Variants in FASTKD1 observed in about 807,000 individuals in gnomAD.
The protein encoded by FASTKD1 is FAST kinase domain-containing protein 1, mitochondrial.
Under a neutral mutation model 90.9 loss-of-function variants are expected in FASTKD1, and 94 were observed. The observed-to-expected ratio is 1.03, with a 90% CI of 0.88 to 1.23. FASTKD1 has a LOEUF of 1.23. Ranked by LOEUF, FASTKD1 falls within the 50% of genes most tolerant of loss-of-function variation. The probability of loss-of-function intolerance (pLI) is 0.00; values close to 1 mark genes in which losing one functional copy is unlikely to be tolerated. For synonymous variants in FASTKD1, 319 were observed against 345.8 expected (o/e 0.92, Z 0.86); for missense variants, 945 against 993.5 (o/e 0.95, Z 0.66).
intron 9 of FASTKD1, among the ~76,000 whole-genome samples, 199 bp downstream of exon 9, chr2:169,544,522 G>T (rs1223402262): frequency 6.6e-6 from 1 of 152,144 alleles, no homozygotes; most frequent in Non-Finnish European, 1.5e-5. Flanking sequence ...AATGAGCCAA[G>T]ATCGCACCAC....
chr2:169,561,716 A>ATTATTCATTATAAATTAT (rs1683613704), intron 4 of FASTKD1, among the ~76,000 whole-genome samples: 4 of 145,778 alleles, frequency 2.7e-5, no homozygotes, highest in African/African-American at 4.9e-5. Flanking sequence ...TTATAAATTA[A>ATTATTCATTATAAATTAT]TTATTAATCT....
intron 3 of FASTKD1, 154 bp from the exon 4 acceptor site, chr2:169,563,504 T>TA (rs1264013151): frequency 2.4e-6 from 1 of 424,708 alleles, no homozygotes; most frequent in Non-Finnish European, 3.9e-6. Flanking sequence ...TGGCAACAGT[T>TA]AAAAAGTCAG....
chr2:169,565,369 TCTC>T (rs1324950967), intron 3 of FASTKD1, among the ~76,000 whole-genome samples: 2 of 146,894 alleles, frequency 1.4e-5, no homozygotes, highest in African/African-American at 5.0e-5. Flanking sequence ...TTCACGCCAT[TCTC>T]CTGCTTCAGC....
chr2:169,560,809 G>C, intron 4 of FASTKD1, 24 bp from the exon 5 acceptor site: 9 of 768,972 alleles, frequency 1.2e-5, no homozygotes, highest in African/African-American at 2.0e-5. Context: ...AAGATGCAAA[G>C]ATTTTTACAT....
At chr2:169,555,300 T>A in intron 6 of FASTKD1, 45 bp from the exon 7 acceptor site, 3 of 1,523,344 alleles carry the variant, frequency 2.0e-6, no homozygotes, top group Non-Finnish European at 2.7e-6. Context: ...ATTCATTTAT[T>A]ACACATTTAC....
At chr2:169,551,302 G>T (rs1057483154) in intron 7 of FASTKD1, among the ~76,000 whole-genome samples, 1 of 152,042 alleles carries the variant, frequency 6.6e-6, no homozygotes, top group Non-Finnish European at 1.5e-5. Context: ...AAATGAATAT[G>T]TATGTTCACT....
At position 169,529,363 on chromosome 2, in the gene FASTKD1, T is replaced by A. The variant is rs1170981529; in HGVS notation, c.*462A>T. On this transcript the variant is annotated 3_prime_UTR_variant, in exon 15 of 15. Coordinates refer to ENST00000453153, the MANE Select transcript of FASTKD1 (RefSeq NM_024622.6). ...CTGTTGCCTTTATCTTCAACATACA[T>A]CCAAAAAATCTGACTACTTCTTATT... 6.6e-6 allele frequency among the ~76,000 whole-genome samples: 1 copy of A among 152,124 alleles called. No individual in the cohort carries two copies. Among genetic ancestry groups the A allele is most frequent in the Non-Finnish European group, 1.5e-5 (1 of 68,026 alleles).
Position 169,557,266 on chromosome 2 carries a change from C to A in FASTKD1, c.1003G>T (p.Asp335Tyr), listed in dbSNP as rs1342446880. Residue 335 changes from aspartate to tyrosine, a missense_variant, in exon 6 of 15, where the codon GAC (aspartate) becomes TAC (tyrosine). By Grantham distance (160) the Asp-to-Tyr change is radical. Coordinates refer to ENST00000453153, the MANE Select transcript of FASTKD1 (RefSeq NM_024622.6). ...LKSTMLLMSE[D>Y]LTGEQALAVL... ...GCCAGGGCTTGCTCGCCAGTTAGGT[C>A]CTCTGACATCAATAACATAGTTGAT... 3.1e-6 allele frequency: 5 copies of A among 1,609,980 alleles called. No homozygotes were observed. The highest frequency in any genetic ancestry group is 2.2e-5 in the South Asian group (2 of 90,302).
Position 169,531,340 on chromosome 2 carries a change from G to A in FASTKD1, c.2327+12C>T. 1 of 1,612,238 alleles carries A rather than the reference G, an allele frequency of 6.2e-7. No homozygotes were observed. The highest frequency in any genetic ancestry group is 8.5e-7 in the Non-Finnish European group (1 of 1,178,584). Reference sequence around the variant, plus strand: ...AGATATTAATACAATCTAAAACTAAGAAATAAATTACCTTTCAGCCCCTGG... The same window carrying A: ...AGATATTAATACAATCTAAAACTAAAAAATAAATTACCTTTCAGCCCCTGG... On this transcript the variant is annotated intron_variant, in intron 13 of 14. Coordinates refer to ENST00000453153, the MANE Select transcript of FASTKD1 (RefSeq NM_024622.6).
At chr2:169,543,695 TACTC>T (rs1422262025) in intron 9 of FASTKD1, among the ~76,000 whole-genome samples, 1 of 152,168 alleles carries the variant, frequency 6.6e-6, no homozygotes, top group Non-Finnish European at 1.5e-5. Context: ...TGTTAATCAA[TACTC>T]AATCACGACT....
intron 9 of FASTKD1, among the ~76,000 whole-genome samples, chr2:169,542,738 G>C (rs1269282576): frequency 6.6e-6 from 1 of 152,122 alleles, no homozygotes; most frequent in African/African-American, 2.4e-5. Flanking sequence ...CTTTTTAAGA[G>C]ATGCAAAATA....
chr2:169,548,003 A>C (rs927365111), intron 7 of FASTKD1, among the ~76,000 whole-genome samples: 1 of 150,526 alleles, frequency 6.6e-6, no homozygotes, highest in Non-Finnish European at 1.5e-5. Context: ...CTCAAAAAAA[A>C]AAAAACAAAA....
At chr2:169,534,450 G>GTT (rs1249656293) in intron 12 of FASTKD1, among the ~76,000 whole-genome samples, 8 of 124,942 alleles carry the variant, frequency 6.4e-5, no homozygotes, top group Admixed American at 8.5e-5. Context: ...AATTTCTGTT[G>GTT]TTTTTTTTTT....
intron 7 of FASTKD1, among the ~76,000 whole-genome samples, chr2:169,550,199 A>G (rs1183059569): frequency 1.3e-5 from 2 of 152,176 alleles, no homozygotes; most frequent in Admixed American, 1.3e-4. Context: ...TAAAATGTGA[A>G]AACAATCTAA....
intron 6 of FASTKD1, among the ~76,000 whole-genome samples, chr2:169,555,947 G>A (rs1368266672): frequency 6.6e-6 from 1 of 151,960 alleles, no homozygotes; most frequent in Admixed American, 6.6e-5. Flanking sequence ...GGTAATTTTG[G>A]GAGAACTGCT....
chr2:169,546,628 A>T lies in FASTKD1; in HGVS notation c.1291T>A (p.Leu431Met), dbSNP rs984985103. The change falls in exon 8 of 15, where the codon TTG becomes ATG. Residue 431 changes from leucine (L) to methionine (M), a missense_variant. Physicochemically the swap from Leu to Met is conservative, Grantham distance 15 (BLOSUM62 2). Coordinates refer to ENST00000453153, the MANE Select transcript of FASTKD1 (RefSeq NM_024622.6). ...ATTCGGGATATCCCCACTTCGTCCA[A>T]GTGAGGAGAAGGGAGCAGGGAAATA... ...RAISLLPSPH[L>M]DEVGISRIEA... is the part of the protein sequence containing the mutation. The T allele has an allele frequency of 1.4e-5, 23 of 1,614,066 alleles. No individual in the cohort carries two copies. The highest frequency in any genetic ancestry group is 1.9e-5 in the Non-Finnish European group (22 of 1,180,034).
chr2:169,535,213 T>C (rs112098101), intron 12 of FASTKD1, among the ~76,000 whole-genome samples: 13,008 of 151,994 alleles, frequency 0.086, 767 homozygotes, highest in African/African-American at 0.16. Flanking sequence ...GACAGAGTCT[T>C]GCTCTGTCAC....
At chr2:169,560,302 A>G in intron 5 of FASTKD1, 85 bp downstream of exon 5, 1 of 1,047,574 alleles carries the variant, frequency 9.5e-7, no homozygotes, top group Non-Finnish European at 1.4e-6. Flanking sequence ...TGATATTTGT[A>G]CCTTCCAGAG....
chr2:169,544,870 C>T (rs776061701), intron 8 of FASTKD1, 35 bp from the exon 9 acceptor site: 2 of 1,283,304 alleles, frequency 1.6e-6, no homozygotes, highest in Admixed American at 4.5e-5. Context: ...ATAGTTTAAA[C>T]TTTAGGAAAA....
Sources: gnomAD v4.1 joint callset for allele counts (sites outside exome capture counted in the v4.1 genomes callset) on GRCh38, gnomAD v4.1.1 for gene constraint, MANE v1.5 for transcripts, NCBI Gene and HGNC (gene_info 2026-07-23, HGNC 2026-07-21) for gene names.